The following GUCY2F variants were observed in gnomAD, a reference collection of about 807,000 sequenced individuals.
GUCY2F encodes the protein guanylate cyclase 2F, retinal.
GUCY2F carries 61 observed loss-of-function variants against 73.1 expected under a neutral mutation model. The observed-to-expected ratio is 0.83, with a 90% CI of 0.68 to 1.03. The LOEUF is 1.03. GUCY2F is among the 50% of genes least tolerant of loss of function. The pLI is 0.00. For synonymous variants in GUCY2F, 331 were observed against 307.8 expected (o/e 1.08, Z -0.79); for missense variants, 912 against 854.3 (o/e 1.07, Z -0.84).
chrX:109,430,471 A>C, intron 7 of GUCY2F, 75 bp from the exon 8 acceptor site: 1 of 611,407 alleles, frequency 1.6e-6, no homozygotes, highest in Non-Finnish European at 2.8e-6. Flanking sequence ...TCCCTTCCAC[A>C]TAAAGGGTTT....
At chrX:109,426,172 C>G (rs1931481891) in intron 8 of GUCY2F, among the ~76,000 whole-genome samples, 1 of 111,398 alleles carries the variant, frequency 9.0e-6, no homozygotes, top group South Asian at 3.8e-4. Flanking sequence ...GTGTGTCTGA[C>G]CAAAAAGACA....
At chrX:109,384,874 T>A (rs781030018) in intron 16 of GUCY2F, among the ~76,000 whole-genome samples, 1 of 111,144 alleles carries the variant, frequency 9.0e-6, no homozygotes, top group Admixed American at 9.5e-5. Flanking sequence ...GCCCGGCCAA[T>A]TTTTTTCTTT....
intron 7 of GUCY2F, among the ~76,000 whole-genome samples, chrX:109,431,416 G>T (rs1049926876): frequency 9.0e-6 from 1 of 111,419 alleles, no homozygotes; most frequent in Non-Finnish European, 1.9e-5. Context: ...GAGTGTAACC[G>T]GGCCGGGCGC....
At chrX:109,433,967 C>T (rs529251724) in intron 7 of GUCY2F, among the ~76,000 whole-genome samples, 6 of 109,927 alleles carry the variant, frequency 5.5e-5, no homozygotes, top group African/African-American at 2.0e-4. Flanking sequence ...GATTTTTTAG[C>T]TCTGATGATC....
rs143793667 is a variant in GUCY2F at position 109,378,272 on chromosome X, G to A, written c.3151-2105C>T. 4.3e-4 allele frequency among the ~76,000 whole-genome samples: 48 copies of A among 111,648 alleles called. No homozygotes were observed. In the East Asian group the frequency reaches 9.1e-3, roughly 21 times the overall value. On this transcript the variant is annotated intron_variant, in intron 17 of 19. Transcript: ENST00000218006. ...GACTTGTCAATAAATAGGCACAGCT[G>A]GGACTTGAAACCAGCTCTACTAGAC... is the stretch of plus-strand genomic sequence containing the variant.
rs1268797546 is a variant in GUCY2F, at chrX:109,388,635, A to G, written c.2810T>C (p.Val937Ala). 1 of 1,195,745 alleles carries G rather than the reference A, an allele frequency of 8.4e-7. No individual in the cohort carries two copies. Among genetic ancestry groups the G allele is most frequent in the Non-Finnish European group, 1.1e-6 (1 of 881,442 alleles). The change falls in exon 15 of 20, where the codon GTG becomes GCG. Residue 937 changes from valine (V) to alanine (A), a missense_variant. Coordinates refer to ENST00000218006, the MANE Select transcript of GUCY2F (RefSeq NM_001522.3). ...KVETIGDAYM[V>A]ASGLPKRNGS... ...ATTCCTCTTTGGGAGGCCTGAAGCC[A>G]CCATGTAGGCATCTCCAATGGTCTC...
intron 15 of GUCY2F, 62 bp from the exon 16 acceptor site, chrX:109,385,344 A>G: frequency 1.8e-6 from 1 of 560,824 alleles, no homozygotes; most frequent in Admixed American, 3.0e-5. Flanking sequence ...CTAATAGAGG[A>G]ATAGTGCAAA....
chrX:109,449,667 C>T (rs1473269719), intron 5 of GUCY2F, among the ~76,000 whole-genome samples: 1 of 111,944 alleles, frequency 8.9e-6, no homozygotes, highest in East Asian at 2.8e-4. Flanking sequence ...CCTTGCATTA[C>T]CTGCTTTATA....
At chrX:109,375,456 A>G (rs1165769112) in intron 19 of GUCY2F, among the ~76,000 whole-genome samples, 1 of 111,552 alleles carries the variant, frequency 9.0e-6, no homozygotes, top group Non-Finnish European at 1.9e-5. Context: ...GAAATGACAT[A>G]AACATCCCCT....
chrX:109,452,162 T>A (rs764024626), intron 4 of GUCY2F, 55 bp from the exon 5 acceptor site: 1 of 657,859 alleles, frequency 1.5e-6, no homozygotes, highest in African/African-American at 2.2e-5. Flanking sequence ...AGGCAGTAAA[T>A]AAAGGGCACC....
chrX:109,391,876 C>A, intron 14 of GUCY2F, 35 bp downstream of exon 14: 1 of 962,133 alleles, frequency 1.0e-6, no homozygotes, highest in Non-Finnish European at 1.4e-6. Flanking sequence ...ATAAAAATTT[C>A]ACTATGGAAT....
chrX:109,443,821 G>T (rs984569668), intron 6 of GUCY2F, among the ~76,000 whole-genome samples: 3 of 112,133 alleles, frequency 2.7e-5, no homozygotes, highest in Non-Finnish European at 5.6e-5. Flanking sequence ...TAGGTTTATT[G>T]CTTTTGACTG....
At chrX:109,404,074 G>T (rs1829267850) in intron 10 of GUCY2F, among the ~76,000 whole-genome samples, 1 of 112,083 alleles carries the variant, frequency 8.9e-6, no homozygotes, top group African/African-American at 3.2e-5. Flanking sequence ...GGACTGCTGG[G>T]GTCTCCAAAC....
intron 7 of GUCY2F, among the ~76,000 whole-genome samples, chrX:109,437,254 A>T (rs780468920): frequency 9.0e-6 from 1 of 111,516 alleles, no homozygotes; most frequent in South Asian, 3.8e-4. Context: ...TGTAGGTATT[A>T]TTCTCATAAC....
At position 109,422,978 on chromosome X, in the gene GUCY2F, T is replaced by C. The variant is rs766052190; in HGVS notation, c.1791+7329A>G. 8.9e-5 allele frequency among the ~76,000 whole-genome samples: 10 copies of C among 112,670 alleles called. No individual in the cohort carries two copies. In the South Asian group the frequency reaches 3.7e-3, roughly 41 times the overall value. Reference sequence around the variant, plus strand: ...TTATACATGGATGAATATCACAGTCTTTCTGTTGTCTGTTTCCACTTATAT... The same window carrying C: ...TTATACATGGATGAATATCACAGTCCTTCTGTTGTCTGTTTCCACTTATAT... On this transcript the variant is annotated intron_variant, in intron 8 of 19. Coordinates refer to ENST00000218006, the MANE Select transcript of GUCY2F (RefSeq NM_001522.3).
chrX:109,439,948 C>T (rs982615187), intron 7 of GUCY2F, among the ~76,000 whole-genome samples: 1 of 111,730 alleles, frequency 9.0e-6, no homozygotes. Context: ...TCACAGCAAT[C>T]AAGACTTTTT....
chrX:109,378,510 T>TA (rs1311646940), intron 17 of GUCY2F, among the ~76,000 whole-genome samples: 1 of 111,614 alleles, frequency 9.0e-6, no homozygotes, highest in Non-Finnish European at 1.9e-5. Context: ...TGTCAGACAT[T>TA]AAGTCAGTGA....
At chrX:109,416,152 A>G (rs1262716473) in intron 8 of GUCY2F, among the ~76,000 whole-genome samples, 1 of 110,573 alleles carries the variant, frequency 9.0e-6, no homozygotes, top group Admixed American at 9.6e-5. Context: ...TGAACCAAAA[A>G]GCCTTAGATG....
intron 7 of GUCY2F, among the ~76,000 whole-genome samples, chrX:109,440,448 G>T (rs190830651): frequency 2.7e-5 from 3 of 111,777 alleles, no homozygotes; most frequent in East Asian, 5.6e-4. Context: ...CCATAGTAAG[G>T]TCCCTGTCAA....
Sources: allele counts gnomAD v4.1 joint callset (sites outside exome capture counted in the v4.1 genomes callset), GRCh38; gene constraint gnomAD v4.1.1; transcripts MANE v1.5; gene names NCBI Gene and HGNC (gene_info 2026-07-23, HGNC 2026-07-21).